Variants in HMGCLL1 observed in about 807,000 individuals in gnomAD.
The protein encoded by HMGCLL1 is 3-hydroxymethyl-3-methylglutaryl-CoA lyase, cytoplasmic.
HMGCLL1 carries 36 observed loss-of-function variants against 39.1 expected under a neutral mutation model. That is an observed-to-expected ratio of 0.92 (90% CI 0.71 to 1.22). HMGCLL1 has a LOEUF of 1.22. Ranked by LOEUF, HMGCLL1 falls within the 50% of genes most tolerant of loss-of-function variation. The pLI is 0.00. For missense variants in HMGCLL1, 451 were observed against 416.5 expected (o/e 1.08, Z -0.72); for synonymous variants, 149 against 144.0 (o/e 1.03, Z -0.25).
the HMGCLL1 span, among the ~76,000 whole-genome samples, chr6:55,602,260 T>A: frequency 6.6e-6 from 1 of 152,174 alleles, no homozygotes; most frequent in Non-Finnish European, 1.5e-5. Context: ...TTGAAGACTT[T>A]TTTTGTTAAT....
At chr6:55,527,814 G>T (rs1768403857) in intron 3 of HMGCLL1, among the ~76,000 whole-genome samples, 1 of 151,962 alleles carries the variant, frequency 6.6e-6, no homozygotes, top group South Asian at 2.1e-4. Flanking sequence ...TTCATATCTT[G>T]CTCAGAGAAA....
At chr6:55,508,078 G>C (rs899970660) in intron 5 of HMGCLL1, among the ~76,000 whole-genome samples, 1 of 151,686 alleles carries the variant, frequency 6.6e-6, no homozygotes, top group Non-Finnish European at 1.5e-5. Context: ...GAGAAACTCA[G>C]TCCAACACAA....
intron 1 of HMGCLL1, among the ~76,000 whole-genome samples, chr6:55,567,314 G>A (rs1771266756): frequency 6.6e-6 from 1 of 151,832 alleles, no homozygotes; most frequent in African/African-American, 2.4e-5. Flanking sequence ...AAGATTATGG[G>A]GTCTTAAAAT....
intron 1 of HMGCLL1, among the ~76,000 whole-genome samples, chr6:55,573,267 G>T (rs1359305486): frequency 1.3e-5 from 2 of 152,094 alleles, no homozygotes; most frequent in South Asian, 2.1e-4. Flanking sequence ...TCCCACCTGA[G>T]AAGGACAGTA....
intron 7 of HMGCLL1, among the ~76,000 whole-genome samples, chr6:55,493,148 C>T (rs565931617): frequency 6.6e-6 from 1 of 151,958 alleles, no homozygotes; most frequent in Admixed American, 6.6e-5. Context: ...GCTACTAACC[C>T]ATAAGTATTT....
At chr6:55,643,622 A>G in the HMGCLL1 span, among the ~76,000 whole-genome samples, 2 of 151,848 alleles carry the variant, frequency 1.3e-5, no homozygotes, top group Non-Finnish European at 2.9e-5. Context: ...ACATACTACC[A>G]TTCCCAACCT....
chr6:55,531,500 G>A (rs773769257), intron 3 of HMGCLL1, among the ~76,000 whole-genome samples: 2 of 152,066 alleles, frequency 1.3e-5, no homozygotes, highest in African/African-American at 4.8e-5. Context: ...GCTTTGAAAG[G>A]TTTTTTTCTC....
At chr6:55,618,463 T>C in the HMGCLL1 span, among the ~76,000 whole-genome samples, 1 of 152,078 alleles carries the variant, frequency 6.6e-6, no homozygotes, top group Admixed American at 6.6e-5. Flanking sequence ...TATTTGGATA[T>C]GAATAATAAA....
chr6:55,624,407 CTT>C, the HMGCLL1 span, among the ~76,000 whole-genome samples: 1 of 152,164 alleles, frequency 6.6e-6, no homozygotes, highest in East Asian at 1.9e-4. Flanking sequence ...TGACAAATAT[CTT>C]TTCCTCCATT....
At chr6:55,653,158 C>T in the HMGCLL1 span, among the ~76,000 whole-genome samples, 3 of 151,838 alleles carry the variant, frequency 2.0e-5, no homozygotes, top group African/African-American at 4.8e-5. Context: ...AACAAAAAAC[C>T]GGCTTTCCAA....
the HMGCLL1 span, among the ~76,000 whole-genome samples, chr6:55,619,258 G>A: frequency 6.6e-6 from 1 of 152,046 alleles, no homozygotes. Flanking sequence ...TTGAATACAT[G>A]TGAAATTGTA....
In HMGCLL1 at chr6:55,498,659, G is replaced by A. The variant is rs978921664; in HGVS notation, c.606+577C>T. Among the ~76,000 whole-genome samples the A allele has an allele frequency of 3.3e-5, 5 of 151,978 alleles. No homozygotes were observed. In the East Asian group the frequency reaches 9.7e-4, roughly 29 times the overall value. ...AAAGACAGTGCATTTTGTATTCATT[G>A]GTATAAATAAATAATAAAGGACAGG... On this transcript the variant is annotated intron_variant, in intron 6 of 8. Transcript: ENST00000274901.
At chr6:55,542,020 A>C (rs891301244) in intron 2 of HMGCLL1, 40 bp downstream of exon 2, 2 of 1,264,204 alleles carry the variant, frequency 1.6e-6, no homozygotes, top group Non-Finnish European at 2.3e-6. Flanking sequence ...TAAATTTATT[A>C]ATTTGTAGAC....
At chr6:55,636,159 T>C in the HMGCLL1 span, among the ~76,000 whole-genome samples, 1 of 152,010 alleles carries the variant, frequency 6.6e-6, no homozygotes, top group African/African-American at 2.4e-5. Flanking sequence ...CCTACACACA[T>C]ATTAATAAAG....
intron 1 of HMGCLL1, among the ~76,000 whole-genome samples, chr6:55,546,824 T>C (rs1420998088): frequency 6.6e-6 from 1 of 152,108 alleles, no homozygotes; most frequent in African/African-American, 2.4e-5. Flanking sequence ...TCCTGTTTAA[T>C]GTGCAGTGTA....
intron 1 of HMGCLL1, among the ~76,000 whole-genome samples, chr6:55,562,072 T>C (rs1770975697): frequency 1.3e-5 from 2 of 152,120 alleles, no homozygotes; most frequent in African/African-American, 4.8e-5. Flanking sequence ...AAACAGGTTA[T>C]AAGTGAACTA....
the HMGCLL1 span, among the ~76,000 whole-genome samples, chr6:55,605,280 C>T: frequency 2.0e-5 from 3 of 152,132 alleles, no homozygotes; most frequent in Non-Finnish European, 2.9e-5. Flanking sequence ...CGTTACACTC[C>T]GACTACTCCT....
the HMGCLL1 span, among the ~76,000 whole-genome samples, chr6:55,626,309 T>C: frequency 6.6e-6 from 1 of 152,096 alleles, no homozygotes; most frequent in South Asian, 2.1e-4. Context: ...GTCATGGTAT[T>C]CCACACAGCA....
At chr6:55,633,062 T>A in the HMGCLL1 span, among the ~76,000 whole-genome samples, 5 of 152,218 alleles carry the variant, frequency 3.3e-5, no homozygotes, top group East Asian at 9.7e-4. Context: ...AAAATTGTAT[T>A]ACTTTAAAAA....
Sources: allele counts gnomAD v4.1 joint callset (sites outside exome capture counted in the v4.1 genomes callset), GRCh38; gene constraint gnomAD v4.1.1; transcripts MANE v1.5; gene names NCBI Gene and HGNC (gene_info 2026-07-23, HGNC 2026-07-21).